Variants in KHDC1 observed in about 807,000 individuals in gnomAD.
KHDC1 encodes the protein KH domain containing 1.
In KHDC1, 21 loss-of-function variants were observed where a neutral mutation model predicts 24.7. The ratio of observed to expected loss-of-function variants is 0.85; its 90% confidence interval spans 0.60 to 1.23. KHDC1 has a LOEUF of 1.23. KHDC1 is among the 50% of genes most tolerant of loss of function. The probability of loss-of-function intolerance (pLI) is 0.00; values close to 1 mark genes in which losing one functional copy is unlikely to be tolerated. For synonymous variants in KHDC1, 98 were observed against 111.7 expected (o/e 0.88, Z 0.77); for missense variants, 274 against 298.5 (o/e 0.92, Z 0.61).
intron 2 of KHDC1, among the ~76,000 whole-genome samples, chr6:73,243,553 T>C (rs1233964838): frequency 1.3e-5 from 2 of 152,236 alleles, no homozygotes; most frequent in African/African-American, 2.4e-5. Flanking sequence ...TACAGTAGCA[T>C]TTAAGGCTGA....
intron 2 of KHDC1, among the ~76,000 whole-genome samples, chr6:73,285,337 T>C (rs1767499327): frequency 6.6e-6 from 1 of 151,416 alleles, no homozygotes; most frequent in South Asian, 2.1e-4. Context: ...GACTCTTCTT[T>C]TTTTTTTTTT....
chr6:73,301,484 T>C (rs1053315171), intron 1 of KHDC1: 1 of 152,146 alleles, frequency 6.6e-6, no homozygotes, highest in African/African-American at 2.4e-5. Context: ...AGCGACGGAA[T>C]TGTGTATGCA....
At chr6:73,241,572 A>G (rs1228448344) in exon 5 of KHDC1, 1 of 1,613,982 alleles carries the variant, frequency 6.2e-7, no homozygotes, top group East Asian at 2.2e-5. Context: ...ACAACCAATC[A>G]CTTGGTAAGG....
chr6:73,253,285 G>C (rs1057072948), intron 2 of KHDC1, among the ~76,000 whole-genome samples: 1 of 152,184 alleles, frequency 6.6e-6, no homozygotes, highest in South Asian at 2.1e-4. Context: ...GCCGGGTACG[G>C]TGGCTCACGC....
chr6:73,287,429 G>A (rs1767544049), intron 2 of KHDC1, among the ~76,000 whole-genome samples: 1 of 152,180 alleles, frequency 6.6e-6, no homozygotes, highest in African/African-American at 2.4e-5. Flanking sequence ...CAGCCAACAA[G>A]GGTACTATTC....
At chr6:73,281,440 A>G (rs1336680336) in intron 2 of KHDC1, among the ~76,000 whole-genome samples, 1 of 150,844 alleles carries the variant, frequency 6.6e-6, no homozygotes, top group Non-Finnish European at 1.5e-5. Context: ...ACATGGTGAA[A>G]CTCCGTCTCT....
chr6:73,292,539 A>T, intron 1 of KHDC1: 1 of 768,810 alleles, frequency 1.3e-6, no homozygotes, highest in Non-Finnish European at 2.4e-6. Context: ...ACATGGTTAA[A>T]AGAGACCATA....
intron 2 of KHDC1, chr6:73,262,794 A>G: frequency 1.0e-6 from 1 of 985,616 alleles, no homozygotes; most frequent in Non-Finnish European, 1.2e-6. Flanking sequence ...GCTCTCTTGC[A>G]GACACGCAAC....
intron 2 of KHDC1, among the ~76,000 whole-genome samples, chr6:73,247,737 A>G (rs906855658): frequency 1.3e-5 from 2 of 151,824 alleles, no homozygotes; most frequent in Admixed American, 6.6e-5. Flanking sequence ...CGCATCTGTA[A>G]TCTCAGCTAC....
chr6:73,289,346 A>T (rs1241281005), intron 2 of KHDC1, among the ~76,000 whole-genome samples: 4 of 149,574 alleles, frequency 2.7e-5, no homozygotes, highest in African/African-American at 7.3e-5. Flanking sequence ...AAAAAAAAAA[A>T]AAAAAAAAAA....
intron 1 of KHDC1, chr6:73,292,662 C>A (rs966842885): frequency 4.0e-6 from 3 of 752,966 alleles, no homozygotes; most frequent in Middle Eastern, 3.2e-4. Context: ...TTGTTGATCT[C>A]TTCCTTTACC....
chr6:73,241,671 G>T, exon 5 of KHDC1: 1 of 1,614,178 alleles, frequency 6.2e-7, no homozygotes, highest in Non-Finnish European at 8.5e-7. Flanking sequence ...ACTAATGGAG[G>T]TGACCAGGTC....
At chr6:73,289,607 G>A (rs1239574502) in intron 2 of KHDC1, among the ~76,000 whole-genome samples, 1 of 148,484 alleles carries the variant, frequency 6.7e-6, no homozygotes, top group Admixed American at 6.7e-5. Flanking sequence ...CCATGATCAC[G>A]CCACTGCACT....
At chr6:73,242,332 G>C in intron 3 of KHDC1, 74 bp downstream of exon 2, 1 of 1,609,046 alleles carries the variant, frequency 6.2e-7, no homozygotes, top group Non-Finnish European at 8.5e-7. Flanking sequence ...GACTGATGAA[G>C]GTGGGAGGGG....
At chr6:73,307,256 C>T (rs892414084) in intron 1 of KHDC1, among the ~76,000 whole-genome samples, 8 of 151,802 alleles carry the variant, frequency 5.3e-5, no homozygotes, top group Admixed American at 6.6e-5. Flanking sequence ...GGTGAAACCC[C>T]GTCTCTATTA....
At chr6:73,304,525 T>A (rs1457001868) in intron 1 of KHDC1, among the ~76,000 whole-genome samples, 1 of 152,140 alleles carries the variant, frequency 6.6e-6, no homozygotes, top group African/African-American at 2.4e-5. Flanking sequence ...GGTCTTGAAC[T>A]CCTGGGCTCC....
intron 2 of KHDC1, among the ~76,000 whole-genome samples, chr6:73,259,076 C>A (rs1012280410): frequency 4.6e-5 from 7 of 152,158 alleles, no homozygotes; most frequent in South Asian, 2.1e-4. Flanking sequence ...TTCCCTGGGG[C>A]CTGCTTCTTC....
chr6:73,278,355 A>G (rs1321028124), intron 2 of KHDC1, among the ~76,000 whole-genome samples: 3 of 150,308 alleles, frequency 2.0e-5, no homozygotes, highest in Non-Finnish European at 4.4e-5. Context: ...ATTTCTATTG[A>G]TGTGTTTCTT....
At chr6:73,255,465 C>T (rs114078249) in intron 2 of KHDC1, among the ~76,000 whole-genome samples, 1,764 of 148,730 alleles carry the variant, frequency 0.012, 27 homozygotes, top group African/African-American at 0.041. Context: ...GTGATCCACC[C>T]GCCTTCTTGG....
Sources: gnomAD v4.1 joint callset for allele counts (sites outside exome capture counted in the v4.1 genomes callset) on GRCh38, gnomAD v4.1.1 for gene constraint, MANE v1.5 for transcripts, NCBI Gene and HGNC (gene_info 2026-07-23, HGNC 2026-07-21) for gene names.